Variants in NAALADL2 observed in about 807,000 individuals in gnomAD.
NAALADL2 encodes the protein N-acetylated alpha-linked acidic dipeptidase like 2.
In NAALADL2, 76 loss-of-function variants were observed where a neutral mutation model predicts 87.2. The observed-to-expected ratio is 0.87, with a 90% CI of 0.72 to 1.05. The LOEUF (loss-of-function observed/expected upper bound fraction) is 1.05, where lower values mean the gene tolerates loss of function less well. NAALADL2 is among the 50% of genes least tolerant of loss of function. The pLI, the probability that NAALADL2 is intolerant of heterozygous loss-of-function variation, is 0.00. For missense variants in NAALADL2, 1,089 were observed against 945.8 expected, an observed-to-expected ratio of 1.15 and a Z score of -1.99; for synonymous variants, 354 against 331.0, an observed-to-expected ratio of 1.07 and a Z score of -0.75.
At chr3:175,565,156 A>AC (rs1358811317) in intron 9 of NAALADL2, among the ~76,000 whole-genome samples, 1 of 152,176 alleles carries the variant, frequency 6.6e-6, no homozygotes, top group Non-Finnish European at 1.5e-5. Context: ...GTGGAGGTTG[A>AC]AGAGAGCAAC....
intron 2 of NAALADL2, among the ~76,000 whole-genome samples, chr3:174,669,174 T>C (rs1197224751): frequency 1.3e-5 from 2 of 152,198 alleles, no homozygotes; most frequent in Non-Finnish European, 2.9e-5. Context: ...TGGCCAGTGA[T>C]GATGAGCATT....
intron 1 of NAALADL2, among the ~76,000 whole-genome samples, chr3:175,040,237 A>G (rs1164561403): frequency 6.6e-6 from 1 of 152,130 alleles, no homozygotes; most frequent in African/African-American, 2.4e-5. Flanking sequence ...GTCCATCAAA[A>G]CACCCAACCT....
chr3:175,086,968 G>A (rs1719077019), intron 1 of NAALADL2, among the ~76,000 whole-genome samples: 1 of 151,814 alleles, frequency 6.6e-6, no homozygotes, highest in African/African-American at 2.4e-5. Context: ...CTTGAATTTT[G>A]TATTATTGAA....
chr3:175,423,049 A>ATTTT (rs1251917314), intron 5 of NAALADL2, among the ~76,000 whole-genome samples: 1 of 112,548 alleles, frequency 8.9e-6, no homozygotes, highest in African/African-American at 3.4e-5. Flanking sequence ...ATATATATAT[A>ATTTT]TATTTTTTTT....
intron 1 of NAALADL2, among the ~76,000 whole-genome samples, chr3:174,985,745 G>C (rs112260098): frequency 9.2e-4 from 140 of 152,232 alleles, no homozygotes; most frequent in African/African-American, 3.3e-3. Flanking sequence ...CTGAGGTCGG[G>C]AGTTCGAGAC....
In NAALADL2 at chr3:175,324,220, A is replaced by T. The variant is rs1476462481; in HGVS notation, c.985A>T (p.Ile329Phe). The change falls in exon 5 of 14, where the codon ATC (isoleucine) becomes TTC (phenylalanine). Residue 329 changes from isoleucine (I) to phenylalanine (F), a missense_variant. By Grantham distance (21) the Ile-to-Phe change is conservative (BLOSUM62 0). Transcript: ENST00000454872. ...KAGFGGVLLYIDPCDLPKTVN... is the reference protein window; with the variant it reads ...KAGFGGVLLYFDPCDLPKTVN... ...TGGATTTGGAGGTGTTCTTCTGTAT[A>T]TCGATCCTTGTGATTTGCCAAAGAC... is the stretch of plus-strand genomic sequence containing the variant. The T allele has an allele frequency of 6.2e-7, 1 of 1,613,736 alleles. No homozygotes were observed. Among genetic ancestry groups the T allele is most frequent in the South Asian group, 1.1e-5 (1 of 91,076 alleles).
intron 13 of NAALADL2, among the ~76,000 whole-genome samples, chr3:175,783,549 T>C (rs1317708332): frequency 6.6e-6 from 1 of 150,636 alleles, no homozygotes; most frequent in Non-Finnish European, 1.5e-5. Flanking sequence ...TGTACATTGA[T>C]TTTTTATCCT....
chr3:175,748,336 C>A (rs956280768), intron 12 of NAALADL2, among the ~76,000 whole-genome samples: 7 of 152,116 alleles, frequency 4.6e-5, no homozygotes, highest in Non-Finnish European at 1.0e-4. Flanking sequence ...ACTACTGTTG[C>A]CCCTGGCTGA....
intron 5 of NAALADL2, among the ~76,000 whole-genome samples, chr3:175,411,921 C>A (rs1713597637): frequency 6.6e-6 from 1 of 151,896 alleles, no homozygotes; most frequent in South Asian, 2.1e-4. Flanking sequence ...TCTACAACTT[C>A]CAAGCAGAGG....
chr3:175,001,119 G>A (rs1373793640), intron 1 of NAALADL2, among the ~76,000 whole-genome samples: 3 of 152,156 alleles, frequency 2.0e-5, no homozygotes, highest in Non-Finnish European at 2.9e-5. Flanking sequence ...AGTCCAACCC[G>A]GACAATTTGG....
At chr3:174,587,079 C>T (rs62284662) in intron 2 of NAALADL2, among the ~76,000 whole-genome samples, 74 of 151,624 alleles carry the variant, frequency 4.9e-4, no homozygotes, top group Admixed American at 1.1e-3. Context: ...TGAGGACATG[C>T]GGAGTTTGGT....
intron 2 of NAALADL2, among the ~76,000 whole-genome samples, chr3:174,736,830 G>T (rs1733260372): frequency 1.3e-5 from 2 of 152,166 alleles, no homozygotes; most frequent in South Asian, 4.1e-4. Context: ...TGTTTGTGCT[G>T]AGGGGCCCCT....
At chr3:175,066,701 C>A (rs1423838877) in intron 1 of NAALADL2, among the ~76,000 whole-genome samples, 1 of 152,112 alleles carries the variant, frequency 6.6e-6, no homozygotes, top group Non-Finnish European at 1.5e-5. Context: ...TTTAATCTGA[C>A]AGGAAGGAAG....
intron 3 of NAALADL2, among the ~76,000 whole-genome samples, chr3:174,745,441 G>A (rs949160020): frequency 1.3e-5 from 2 of 152,086 alleles, no homozygotes; most frequent in East Asian, 3.9e-4. Context: ...AGTTGAGGCA[G>A]TAATAAAGAG....
chr3:174,884,165 A>G (rs988479563), intron 1 of NAALADL2, among the ~76,000 whole-genome samples: 1 of 152,198 alleles, frequency 6.6e-6, no homozygotes, highest in African/African-American at 2.4e-5. Context: ...TCATGGGAAC[A>G]GGAAGCAGAA....
At chr3:174,838,374 C>T (rs1395979923) in intron 3 of NAALADL2, among the ~76,000 whole-genome samples, 1 of 152,086 alleles carries the variant, frequency 6.6e-6, no homozygotes, top group African/African-American at 2.4e-5. Flanking sequence ...ATGACAGACC[C>T]ACGGCCAACA....
At chr3:175,574,193 A>C (rs1045628179) in intron 9 of NAALADL2, among the ~76,000 whole-genome samples, 3 of 152,204 alleles carry the variant, frequency 2.0e-5, no homozygotes, top group Non-Finnish European at 2.9e-5. Context: ...TTAGCAAAAG[A>C]CATGGTGATC....
intron 2 of NAALADL2, among the ~76,000 whole-genome samples, chr3:175,097,906 G>A (rs369446877): frequency 6.6e-5 from 10 of 152,142 alleles, no homozygotes; most frequent in Admixed American, 2.6e-4. Flanking sequence ...AATCATGTAC[G>A]TTGTTTGTAG....
rs547914161 is a variant in NAALADL2 at position 175,551,771 on chromosome 3, G to C, written c.1654-24270G>C. ...AAATTAGCCGGGCATGTTGGCAGGTGCCTGTAGTCCCAGCTACTCAGGAGG... is the reference window on the plus strand; with the variant it reads ...AAATTAGCCGGGCATGTTGGCAGGTCCCTGTAGTCCCAGCTACTCAGGAGG... On this transcript the variant is annotated intron_variant, in intron 9 of 13. Coordinates refer to ENST00000454872, the MANE Select transcript of NAALADL2 (RefSeq NM_207015.3). Among the ~76,000 whole-genome samples the C allele has an allele frequency of 4.6e-5, 7 of 152,156 alleles. No homozygotes were observed. The South Asian group carries it at 1.2e-3, about 27-fold the overall frequency.
Sources: gnomAD v4.1 joint callset for allele counts (sites outside exome capture counted in the v4.1 genomes callset) on GRCh38, gnomAD v4.1.1 for gene constraint, MANE v1.5 for transcripts, NCBI Gene and HGNC (gene_info 2026-07-23, HGNC 2026-07-21) for gene names.